Variants in ATP2B2 observed in about 807,000 individuals in gnomAD.
ATP2B2 encodes plasma membrane calcium-transporting ATPase 2.
ATP2B2 carries 15 observed loss-of-function variants against 120.0 expected under a neutral mutation model. That is an observed-to-expected ratio of 0.12 (90% CI 0.08 to 0.19). The LOEUF (loss-of-function observed/expected upper bound fraction) is 0.19. ATP2B2 is among the 10% of genes least tolerant of loss of function. The probability of loss-of-function intolerance (pLI) is 1.00; values close to 1 mark genes in which losing one functional copy is unlikely to be tolerated. For synonymous variants in ATP2B2, 694 were observed against 700.3 expected (o/e 0.99, Z 0.14); for missense variants, 1,045 against 1,719.8 (o/e 0.61, Z 6.94).
intron 1 of ATP2B2, among the ~76,000 whole-genome samples, chr3:10,659,082 C>T (rs1376691680): frequency 6.6e-6 from 1 of 152,142 alleles, no homozygotes; most frequent in Non-Finnish European, 1.5e-5. Flanking sequence ...CCTAAAAGAG[C>T]TCCTGAAGGA....
intron 1 of ATP2B2, among the ~76,000 whole-genome samples, chr3:10,703,395 C>G (rs546099791): frequency 3.1e-4 from 47 of 152,304 alleles, no homozygotes; most frequent in African/African-American, 1.1e-3. Flanking sequence ...CCATTTGACC[C>G]TCACCCTCAC....
intron 2 of ATP2B2, chr3:10,619,873 T>C (rs2069498574): frequency 1.3e-5 from 2 of 152,178 alleles, no homozygotes; most frequent in South Asian, 4.1e-4. Context: ...TGGGCTTCTA[T>C]GGGTGCCCCC....
chr3:10,578,436 A>C (rs1435290912), intron 2 of ATP2B2, among the ~76,000 whole-genome samples: 3 of 151,030 alleles, frequency 2.0e-5, no homozygotes, highest in Non-Finnish European at 4.4e-5. Flanking sequence ...AGTCCCACCT[A>C]CTCGGGAGGT....
At chr3:10,705,911 A>T (rs1039342468) in intron 1 of ATP2B2, among the ~76,000 whole-genome samples, 15 of 152,294 alleles carry the variant, frequency 9.8e-5, no homozygotes, top group African/African-American at 3.4e-4. Context: ...AAGGTATCTC[A>T]GTTTGGATGA....
At chr3:10,646,743 T>C (rs973433322) in intron 1 of ATP2B2, among the ~76,000 whole-genome samples, 1 of 152,122 alleles carries the variant, frequency 6.6e-6, no homozygotes, top group African/African-American at 2.4e-5. Context: ...AAGGATGGGC[T>C]AGAGAAAAAC....
chr3:10,430,207 C>T (rs1006979570), intron 2 of ATP2B2, among the ~76,000 whole-genome samples: 13 of 152,364 alleles, frequency 8.5e-5, no homozygotes, highest in South Asian at 8.3e-4. Context: ...ATCTATTCTG[C>T]AGCCCATGAG....
chr3:10,674,748 C>A (rs928755082), intron 1 of ATP2B2, among the ~76,000 whole-genome samples: 4 of 152,190 alleles, frequency 2.6e-5, no homozygotes, highest in Non-Finnish European at 5.9e-5. Context: ...ATTTGAAATG[C>A]CAGTTCATTT....
At chr3:10,478,229 T>C (rs562688921) in intron 1 of ATP2B2, among the ~76,000 whole-genome samples, 1 of 152,340 alleles carries the variant, frequency 6.6e-6, no homozygotes, top group Admixed American at 6.5e-5. Context: ...GTTGTCTTTT[T>C]GTTGTTGAGT....
At chr3:10,693,088 G>A (rs2071693291) in intron 1 of ATP2B2, among the ~76,000 whole-genome samples, 2 of 152,158 alleles carry the variant, frequency 1.3e-5, no homozygotes, top group African/African-American at 2.4e-5. Flanking sequence ...ATGCAGGAAG[G>A]CCTGCCTGAC....
intron 2 of ATP2B2, among the ~76,000 whole-genome samples, chr3:10,443,309 T>G (rs2063729047): frequency 6.6e-6 from 1 of 151,592 alleles, no homozygotes; most frequent in Non-Finnish European, 1.5e-5. Flanking sequence ...TCCTCCATTT[T>G]CCTTCCCTCT....
intron 5 of ATP2B2, among the ~76,000 whole-genome samples, chr3:10,388,909 T>C (rs1439956907): frequency 6.6e-6 from 1 of 152,260 alleles, no homozygotes; most frequent in Admixed American, 6.5e-5. Flanking sequence ...TCTAATAAAG[T>C]ACACTCATTA....
chr3:10,555,833 G>C (rs1476630265), intron 2 of ATP2B2, among the ~76,000 whole-genome samples: 2 of 152,184 alleles, frequency 1.3e-5, no homozygotes, highest in African/African-American at 4.8e-5. Flanking sequence ...TAGCTGGCCT[G>C]ATTAGGACCC....
chr3:10,406,055 G>T (rs1410509694), intron 3 of ATP2B2, among the ~76,000 whole-genome samples: 1 of 152,214 alleles, frequency 6.6e-6, no homozygotes, highest in Non-Finnish European at 1.5e-5. Context: ...GAGTTCTGCA[G>T]CACCCATAGC....
chr3:10,613,506 G>A (rs2069297656), intron 2 of ATP2B2, among the ~76,000 whole-genome samples: 1 of 151,946 alleles, frequency 6.6e-6, no homozygotes, highest in African/African-American at 2.4e-5. Flanking sequence ...ATTAGCTCTG[G>A]GTGATTAGTG....
chr3:10,594,711 T>TATAATAATA (rs147616326), intron 2 of ATP2B2, among the ~76,000 whole-genome samples: 14,318 of 149,502 alleles, frequency 0.096, 811 homozygotes, highest in East Asian at 0.24. Flanking sequence ...GAACTTAAAG[T>TATAATAATA]ATAATAATAA....
At chr3:10,664,924 T>TC (rs764204884) in intron 1 of ATP2B2, among the ~76,000 whole-genome samples, 8 of 151,948 alleles carry the variant, frequency 5.3e-5, no homozygotes, top group Non-Finnish European at 1.0e-4. Flanking sequence ...TTTGGACACC[T>TC]CCCCCAACCC....
intron 1 of ATP2B2, among the ~76,000 whole-genome samples, chr3:10,674,363 C>T (rs1292137141): frequency 6.6e-6 from 1 of 152,178 alleles, no homozygotes; most frequent in African/African-American, 2.4e-5. Flanking sequence ...TTAAGCTTGA[C>T]CTGAAACCTA....
At chr3:10,425,097 C>T (rs1277010244) in intron 2 of ATP2B2, among the ~76,000 whole-genome samples, 3 of 151,340 alleles carry the variant, frequency 2.0e-5, no homozygotes, top group Non-Finnish European at 4.4e-5. Context: ...TTGAGACCAG[C>T]CTAGCCAACA....
At chr3:10,363,938 A>G (rs2060971752) in intron 12 of ATP2B2, among the ~76,000 whole-genome samples, 1 of 152,226 alleles carries the variant, frequency 6.6e-6, no homozygotes, top group African/African-American at 2.4e-5. Flanking sequence ...CTCATGTTCA[A>G]AGCAGCATTA....
Sources: allele counts gnomAD v4.1 joint callset (sites outside exome capture counted in the v4.1 genomes callset), GRCh38; gene constraint gnomAD v4.1.1; transcripts MANE v1.5; gene names NCBI Gene and HGNC (gene_info 2026-07-23, HGNC 2026-07-21).